Variants in ADAM10 observed in about 807,000 individuals in gnomAD.
The protein encoded by ADAM10 is ADAM metallopeptidase domain 10.
In ADAM10, 17 loss-of-function variants were observed where a neutral mutation model predicts 90.1. The observed-to-expected ratio is 0.19, with a 90% confidence interval of 0.13 to 0.28. The LOEUF is 0.28. Ranked by LOEUF, ADAM10 falls within the 10% of genes least tolerant of loss-of-function variation. The pLI, the probability that ADAM10 is intolerant of heterozygous loss-of-function variation, is 1.00. For synonymous variants in ADAM10, 310 were observed against 298.6 expected (o/e 1.04, Z -0.40); for missense variants, 610 against 914.3 (o/e 0.67, Z 4.29).
chr15:58,728,586 A>G (rs1399677296), intron 1 of ADAM10, among the ~76,000 whole-genome samples: 1 of 152,114 alleles, frequency 6.6e-6, no homozygotes, highest in Non-Finnish European at 1.5e-5. Flanking sequence ...TTTTTTAAAA[A>G]AAAAGAAAAG....
chr15:58,650,539 C>A (rs1896658511), intron 5 of ADAM10, among the ~76,000 whole-genome samples: 1 of 152,124 alleles, frequency 6.6e-6, no homozygotes, highest in African/African-American at 2.4e-5. Context: ...TATTTTCATC[C>A]TCAGCCTCAT....
intron 5 of ADAM10, among the ~76,000 whole-genome samples, chr15:58,652,846 C>T (rs181925658): frequency 3.4e-4 from 51 of 152,228 alleles, no homozygotes; most frequent in African/African-American, 1.2e-3. Context: ...CTGATTCTTC[C>T]GATATACGAA....
At chr15:58,624,289 A>C (rs1241977692) in intron 10 of ADAM10, among the ~76,000 whole-genome samples, 1 of 151,808 alleles carries the variant, frequency 6.6e-6, no homozygotes, top group Non-Finnish European at 1.5e-5. Context: ...TGTCTCAAAA[A>C]AAAAGCAAAA....
chr15:58,617,711 A>C (rs1895658113), intron 11 of ADAM10, among the ~76,000 whole-genome samples: 1 of 152,184 alleles, frequency 6.6e-6, no homozygotes, highest in Non-Finnish European at 1.5e-5. Flanking sequence ...AATTCAGAAT[A>C]GTTGCAGGAT....
At chr15:58,617,897 C>CA (rs75681109) in intron 11 of ADAM10, among the ~76,000 whole-genome samples, 2,832 of 82,816 alleles carry the variant, frequency 0.034, 59 homozygotes, top group African/African-American at 0.071. Flanking sequence ...CTGAACAAGT[C>CA]AAAAAAAAAA....
intron 2 of ADAM10, among the ~76,000 whole-genome samples, chr15:58,686,864 A>T (rs1253026404): frequency 2.0e-5 from 3 of 152,186 alleles, no homozygotes; most frequent in African/African-American, 7.2e-5. Context: ...TATACATAAG[A>T]TAAACAAAAA....
chr15:58,677,194 C>A (rs998582792), intron 4 of ADAM10, among the ~76,000 whole-genome samples: 4 of 152,150 alleles, frequency 2.6e-5, no homozygotes, highest in African/African-American at 9.7e-5. Flanking sequence ...ATTTCAATTA[C>A]CTGAGAAGCT....
intron 14 of ADAM10, among the ~76,000 whole-genome samples, chr15:58,608,131 C>T (rs1453143908): frequency 1.3e-5 from 2 of 152,124 alleles, no homozygotes; most frequent in Non-Finnish European, 2.9e-5. Flanking sequence ...GTATCACTTC[C>T]GTGGTACCAG....
At chr15:58,728,205 G>T (rs1316302078) in intron 1 of ADAM10, among the ~76,000 whole-genome samples, 1 of 152,072 alleles carries the variant, frequency 6.6e-6, no homozygotes, top group African/African-American at 2.4e-5. Flanking sequence ...CAAATATTAG[G>T]AATTTACATT....
At chr15:58,739,780 A>AT (rs1378271630) in intron 1 of ADAM10, among the ~76,000 whole-genome samples, 2 of 152,198 alleles carry the variant, frequency 1.3e-5, no homozygotes, top group African/African-American at 4.8e-5. Flanking sequence ...CAATATTCCA[A>AT]TTTTAACAAA....
intron 11 of ADAM10, among the ~76,000 whole-genome samples, chr15:58,615,057 G>A (rs910906284): frequency 2.6e-5 from 4 of 152,074 alleles, no homozygotes; most frequent in Non-Finnish European, 2.9e-5. Flanking sequence ...GGCAGATCAC[G>A]AGGTCAGGAG....
chr15:58,615,826 G>T (rs1287681137), intron 11 of ADAM10, among the ~76,000 whole-genome samples: 2 of 152,016 alleles, frequency 1.3e-5, no homozygotes, highest in Non-Finnish European at 2.9e-5. Flanking sequence ...TGACCAACAT[G>T]GCAAAACCCC....
intron 4 of ADAM10, among the ~76,000 whole-genome samples, chr15:58,673,671 A>G (rs1897249204): frequency 6.6e-6 from 1 of 152,042 alleles, no homozygotes; most frequent in Admixed American, 6.6e-5. Context: ...CATAATATGA[A>G]AAGTCTAAGC....
At chr15:58,654,380 T>C (rs577228897) in intron 5 of ADAM10, among the ~76,000 whole-genome samples, 1 of 152,278 alleles carries the variant, frequency 6.6e-6, no homozygotes, top group South Asian at 2.1e-4. Context: ...TGTGTTATGT[T>C]GTGTTTTCTT....
At chr15:58,671,496 A>G (rs1897189851) in intron 4 of ADAM10, among the ~76,000 whole-genome samples, 1 of 152,212 alleles carries the variant, frequency 6.6e-6, no homozygotes, top group Admixed American at 6.5e-5. Flanking sequence ...GCTGAGGTTT[A>G]GCTCCGAGTA....
intron 11 of ADAM10, among the ~76,000 whole-genome samples, chr15:58,617,195 T>C (rs1311051469): frequency 6.6e-6 from 1 of 151,860 alleles, no homozygotes; most frequent in Non-Finnish European, 1.5e-5. Context: ...CATCAATCCA[T>C]TAACTAGACA....
intron 2 of ADAM10, chr15:58,693,258 C>G (rs1027944621): frequency 1.8e-6 from 1 of 564,930 alleles, no homozygotes; most frequent in East Asian, 3.6e-5. Flanking sequence ...CCAAAATGCA[C>G]ACGGCACCAA....
At chr15:58,648,708 A>G (rs1258579284) in intron 5 of ADAM10, among the ~76,000 whole-genome samples, 3 of 152,096 alleles carry the variant, frequency 2.0e-5, no homozygotes, top group Non-Finnish European at 2.9e-5. Flanking sequence ...TGATTTTTCT[A>G]TTATTCCTTC....
At chr15:58,635,336 C>G (rs1389176345) in intron 8 of ADAM10, among the ~76,000 whole-genome samples, 1 of 149,218 alleles carries the variant, frequency 6.7e-6, no homozygotes, top group East Asian at 2.0e-4. Flanking sequence ...CCACCATTTT[C>G]AATCCAGAAC....
Sources: allele counts gnomAD v4.1 joint callset (sites outside exome capture counted in the v4.1 genomes callset), GRCh38; gene constraint gnomAD v4.1.1; transcripts MANE v1.5; gene names NCBI Gene and HGNC (gene_info 2026-07-23, HGNC 2026-07-21).